RNF34: variants seen among roughly 807,000 people sequenced by gnomAD.
RNF34 encodes ring finger protein 34.
In RNF34, 12 loss-of-function variants were observed where a neutral mutation model predicts 37.9. The ratio of observed to expected loss-of-function variants is 0.32; its 90% confidence interval spans 0.20 to 0.51. RNF34 has a LOEUF of 0.51. Ranked by LOEUF, RNF34 falls within the 20% of genes least tolerant of loss-of-function variation. The probability of loss-of-function intolerance (pLI) is 0.97; values close to 1 mark genes in which losing one functional copy is unlikely to be tolerated. For missense variants in RNF34, 362 were observed against 472.7 expected, an observed-to-expected ratio of 0.77 and a Z score of 2.17; for synonymous variants, 155 against 177.2, an observed-to-expected ratio of 0.87 and a Z score of 1.00.
chr12:121,413,622 G>C (rs1488002052), intron 1 of RNF34, among the ~76,000 whole-genome samples: 1 of 139,568 alleles, frequency 7.2e-6, no homozygotes, highest in African/African-American at 2.8e-5. Context: ...TTGTTGCCCA[G>C]GCTGGAGTGC....
intron 1 of RNF34, among the ~76,000 whole-genome samples, chr12:121,406,845 G>C (rs1279724382): frequency 6.6e-6 from 1 of 152,090 alleles, no homozygotes; most frequent in Non-Finnish European, 1.5e-5. Context: ...TATTCTCTAT[G>C]TTGTTTTAAA....
At chr12:121,413,260 C>T (rs1871261390) in intron 1 of RNF34, among the ~76,000 whole-genome samples, 1 of 150,298 alleles carries the variant, frequency 6.7e-6, no homozygotes, top group Non-Finnish European at 1.5e-5. Context: ...CTCCTGACCT[C>T]AGGAGATCCA....
At chr12:121,411,416 C>T (rs1476130942) in intron 1 of RNF34, among the ~76,000 whole-genome samples, 1 of 152,032 alleles carries the variant, frequency 6.6e-6, no homozygotes, top group Non-Finnish European at 1.5e-5. Flanking sequence ...CTTCTATTCC[C>T]TTTACCAGAG....
Position 121,417,768 on chromosome 12 carries a change from C to T in RNF34, c.490C>T (p.Leu164=). Residue 164 remains leucine (L), a synonymous_variant, in exon 3 of 6, where the codon CTG becomes TTG. Transcript: ENST00000361234. The surrounding 1 kb of genome is among the most constrained non-coding windows in gnomAD (Gnocchi z 5.0). The part of the protein sequence containing the change: ...GSEDDMDTSS[L]NSSRSQTSSF... ...TGAGGACGACATGGACACAAGCAGT[C>T]TGAATTCTTCAAGGTCCCAGACTTC... The T allele has an allele frequency of 6.2e-7, 1 of 1,614,206 alleles. No homozygotes were observed. The highest frequency in any genetic ancestry group is 8.5e-7 in the Non-Finnish European group (1 of 1,180,042).
chr12:121,422,899 A>G (rs1555283638), intron 5 of RNF34, among the ~76,000 whole-genome samples: 2 of 147,346 alleles, frequency 1.4e-5, no homozygotes, highest in Admixed American at 1.3e-4. Context: ...ATGCACAATT[A>G]TTCCTAACTT....
intron 4 of RNF34, 74 bp downstream of exon 4, chr12:121,420,408 C>A: frequency 1.3e-6 from 2 of 1,552,666 alleles, no homozygotes; most frequent in Non-Finnish European, 1.7e-6. Flanking sequence ...TGTGGACATT[C>A]GCTAGATTAG....
intron 1 of RNF34, among the ~76,000 whole-genome samples, chr12:121,410,012 G>A (rs1309874640): frequency 1.3e-5 from 2 of 151,956 alleles, no homozygotes; most frequent in Non-Finnish European, 2.9e-5. Context: ...AAAATTAGCC[G>A]GGCATGGTGG....
At chr12:121,414,004 C>T (rs1555281771) in intron 1 of RNF34, among the ~76,000 whole-genome samples, 1 of 152,196 alleles carries the variant, frequency 6.6e-6, no homozygotes, top group Non-Finnish European at 1.5e-5. Context: ...TTTACCTTCT[C>T]CTTTCTTTAT....
chr12:121,415,278 T>G (rs1222538331), intron 1 of RNF34: 2 of 374,640 alleles, frequency 5.3e-6, no homozygotes, highest in African/African-American at 4.1e-5. Context: ...CTATAGTATA[T>G]TATACCCAAT....
intron 1 of RNF34, among the ~76,000 whole-genome samples, chr12:121,403,336 C>G (rs1216833177): frequency 1.3e-5 from 2 of 149,136 alleles, no homozygotes; most frequent in East Asian, 3.9e-4. Context: ...GCAGAGTTTG[C>G]AGTGAGCCAA....
chr12:121,417,819 T>A lies in RNF34; in HGVS notation c.541T>A (p.Ser181Thr). 6.2e-7 allele frequency: 1 copy of A among 1,614,204 alleles called. No individual in the cohort carries two copies. The highest frequency in any genetic ancestry group is 1.1e-5 in the South Asian group (1 of 91,074). ...TSSFFTRSFF[S>T]NYTAPSATMS... ...TAGCTTTTTTACACGTTCGTTTTTT[T>A]CAAACTATACAGCCCCCTCTGCTAC... Residue 181 changes from serine to threonine, a missense_variant, in exon 3 of 6, where the codon TCA becomes ACA. Physicochemically the swap from Ser to Thr is moderately conservative, Grantham distance 58. Coordinates refer to ENST00000361234, the MANE Select transcript of RNF34 (RefSeq NM_025126.4). The surrounding 1 kb of genome is among the most constrained non-coding windows in gnomAD (Gnocchi z 5.0).
chr12:121,416,034 G>A, intron 1 of RNF34, 125 bp from the exon 2 acceptor site: 1 of 699,202 alleles, frequency 1.4e-6, no homozygotes, highest in Non-Finnish European at 2.5e-6. Flanking sequence ...TCAGTGCCCA[G>A]AGGAATATAG....
intron 1 of RNF34, among the ~76,000 whole-genome samples, chr12:121,411,467 T>A (rs1871052109): frequency 6.6e-6 from 1 of 152,236 alleles, no homozygotes; most frequent in African/African-American, 2.4e-5. Flanking sequence ...AGAATTTTAA[T>A]GCTCATACTC....
At chr12:121,406,575 C>T (rs368081105) in intron 1 of RNF34, among the ~76,000 whole-genome samples, 23 of 152,334 alleles carry the variant, frequency 1.5e-4, no homozygotes, top group African/African-American at 5.3e-4. Context: ...GCGTGAGCCA[C>T]CGCGCCGGGC....
chr12:121,410,068 C>T (rs983595959), intron 1 of RNF34, among the ~76,000 whole-genome samples: 5 of 151,336 alleles, frequency 3.3e-5, no homozygotes, highest in African/African-American at 9.7e-5. Context: ...GCAGCAGAAT[C>T]GGTTGAACCT....
chr12:121,406,355 T>C (rs1870535578), intron 1 of RNF34, among the ~76,000 whole-genome samples: 1 of 151,364 alleles, frequency 6.6e-6, no homozygotes, highest in South Asian at 2.1e-4. Flanking sequence ...TGGCGTGATC[T>C]CAGCTCACTG....
intron 3 of RNF34, 108 bp downstream of exon 3, chr12:121,418,019 C>A: frequency 1.7e-6 from 2 of 1,201,682 alleles, no homozygotes; most frequent in Non-Finnish European, 1.2e-6. Flanking sequence ...AAGTCATGTG[C>A]TGGAGTGAAG....
In RNF34 at chr12:121,400,189, G is replaced by C; in HGVS notation, c.-24G>C. On this transcript the variant is annotated 5_prime_UTR_variant, in exon 1 of 6. Coordinates refer to ENST00000361234, the MANE Select transcript of RNF34 (RefSeq NM_025126.4). ...TGGTGCTGAGTTTCCTGGTAGAGCC[G>C]GCCGAGCTGAGGCGGTCGCGGCCAT... is the stretch of plus-strand genomic sequence containing the variant. The C allele has an allele frequency of 6.2e-7, 1 of 1,607,838 alleles. No individual in the cohort carries two copies. Among genetic ancestry groups the C allele is most frequent in the Non-Finnish European group, 8.5e-7 (1 of 1,178,616 alleles).
chr12:121,420,001 T>C (rs1396710581), intron 3 of RNF34: 1 of 403,896 alleles, frequency 2.5e-6, no homozygotes, highest in Non-Finnish European at 4.6e-6. Context: ...AATACTCTGG[T>C]TAGATTTTAT....
Sources: allele counts gnomAD v4.1 joint callset (sites outside exome capture counted in the v4.1 genomes callset), GRCh38; gene constraint gnomAD v4.1.1; non-coding constraint Gnocchi (gnomAD v3.1); transcripts MANE v1.5; gene names NCBI Gene and HGNC (gene_info 2026-07-23, HGNC 2026-07-21).